Variants in GLI3 observed in about 807,000 individuals in gnomAD.
GLI3 encodes transcription activator GLI3.
In GLI3, 20 loss-of-function variants were observed where a neutral mutation model predicts 100.8. The ratio of observed to expected loss-of-function variants is 0.20; its 90% CI spans 0.14 to 0.29. GLI3 has a LOEUF of 0.29. Ranked by LOEUF, GLI3 falls within the 10% of genes least tolerant of loss-of-function variation. GLI3 has a pLI of 1.00. For missense variants in GLI3, 2,040 were observed against 2,128.5 expected, an observed-to-expected ratio of 0.96 and a Z score of 0.82; for synonymous variants, 938 against 860.5, an observed-to-expected ratio of 1.09 and a Z score of -1.58.
chr7:42,232,181 G>A (rs368521986), intron 1 of GLI3, among the ~76,000 whole-genome samples: 1 of 152,060 alleles, frequency 6.6e-6, no homozygotes, highest in African/African-American at 2.4e-5. Flanking sequence ...CAGGCCAGCA[G>A]TCAATCCAAT....
chr7:41,983,240 A>C (rs186840095), intron 10 of GLI3, among the ~76,000 whole-genome samples: 63 of 152,346 alleles, frequency 4.1e-4, no homozygotes, highest in Non-Finnish European at 2.9e-4. Context: ...GCAAAATTAG[A>C]AGGAGGTACG....
At chr7:42,212,137 G>A (rs544945483) in intron 2 of GLI3, among the ~76,000 whole-genome samples, 31 of 151,946 alleles carry the variant, frequency 2.0e-4, no homozygotes, top group Admixed American at 5.2e-4. Flanking sequence ...TTCCAGTTGC[G>A]TCTTTCCCAA....
At chr7:42,115,415 C>T (rs1173204146) in intron 3 of GLI3, among the ~76,000 whole-genome samples, 2 of 152,182 alleles carry the variant, frequency 1.3e-5, no homozygotes, top group Admixed American at 6.5e-5. Flanking sequence ...GCTGAGATTA[C>T]AGGTGTACCC....
chr7:42,144,912 G>T (rs927622215), intron 3 of GLI3, among the ~76,000 whole-genome samples: 4 of 152,136 alleles, frequency 2.6e-5, no homozygotes. Flanking sequence ...CAAGGGCAAG[G>T]GGACTGGCCT....
intron 6 of GLI3, among the ~76,000 whole-genome samples, chr7:42,044,644 G>T (rs1784209303): frequency 6.6e-6 from 1 of 152,030 alleles, no homozygotes; most frequent in African/African-American, 2.4e-5. Context: ...TAACTATTCT[G>T]ATCCTTTCAT....
chr7:42,087,282 C>T (rs973905445), intron 3 of GLI3, among the ~76,000 whole-genome samples: 1 of 152,188 alleles, frequency 6.6e-6, no homozygotes, highest in Admixed American at 6.5e-5. Context: ...CTTTGGAATC[C>T]TCCCTGTGCA....
chr7:42,179,369 T>C (rs1787546158), intron 2 of GLI3, among the ~76,000 whole-genome samples: 1 of 150,876 alleles, frequency 6.6e-6, no homozygotes, highest in South Asian at 2.1e-4. Context: ...AGGGAAGGCG[T>C]GGGTGGGCAG....
chr7:41,965,668 T>C lies in GLI3; in HGVS notation c.3405A>G (p.Pro1135=), dbSNP rs1562658413. Residue 1135 remains proline (P), a synonymous_variant, in exon 15 of 15, where the codon CCA becomes CCG. Coordinates refer to ENST00000395925, the MANE Select transcript of GLI3 (RefSeq NM_000168.6). ...GGAACTGCTGGCCAGCGTGGCTGTC[T>C]GGCAGCCCGGGCGCGTCAAAGTCAC... The part of the protein sequence containing the change: ...GPGDFDAPGL[P]DSHAGQQFHA... 6.2e-7 allele frequency: 1 copy of C among 1,612,826 alleles called. No homozygotes were observed.
At chr7:42,094,032 A>C (rs1562725916) in intron 3 of GLI3, among the ~76,000 whole-genome samples, 1 of 152,080 alleles carries the variant, frequency 6.6e-6, no homozygotes, top group Non-Finnish European at 1.5e-5. Context: ...AAAGTCAAGC[A>C]GGAGATGAGG....
chr7:42,244,702 T>TAA (rs796300282), intron 1 of GLI3, among the ~76,000 whole-genome samples: 1 of 142,428 alleles, frequency 7.0e-6, no homozygotes, highest in African/African-American at 2.6e-5. Flanking sequence ...AAAACACCTT[T>TAA]AAAAAAAAAA....
At chr7:42,139,572 A>G (rs1363303173) in intron 3 of GLI3, among the ~76,000 whole-genome samples, 3 of 152,174 alleles carry the variant, frequency 2.0e-5, no homozygotes, top group Non-Finnish European at 2.9e-5. Context: ...CCAGCTACTC[A>G]GGAGGCTGAG....
chr7:42,098,851 G>A lies in GLI3; in HGVS notation c.368-21994C>T, dbSNP rs373281941. On this transcript the variant is annotated intron_variant, in intron 3 of 14. Coordinates refer to ENST00000395925, the MANE Select transcript of GLI3 (RefSeq NM_000168.6). ...TGCTTGGGTACAGAGAGGATAGGTC[G>A]CAAATATCACAACCCAATTCCTATT... is the stretch of plus-strand genomic sequence containing the variant. Among the ~76,000 whole-genome samples, 79 of 152,216 alleles carry A rather than the reference G, an allele frequency of 5.2e-4. 1 individual carries two copies. In the South Asian group the frequency reaches 0.015, roughly 29 times the overall value.
At position 41,964,045 on chromosome 7, in the gene GLI3, AAAG is replaced by A. The variant is rs1265397897; in HGVS notation, c.*282_*284del. The stretch of plus-strand genomic sequence containing the variant: ...TCACAAATTTACATCGGTTTACTAA[AAAG>A]GGGGCGGGGCTTACAGTTTTTTTTT... On this transcript the variant is annotated 3_prime_UTR_variant, in exon 15 of 15. Coordinates refer to ENST00000395925, the MANE Select transcript of GLI3 (RefSeq NM_000168.6). 6.8e-6 allele frequency: 2 copies of A among 294,966 alleles called. No individual in the cohort carries two copies. The highest frequency in any genetic ancestry group is 6.3e-6 in the Non-Finnish European group (1 of 159,060). 18.3% of individuals were successfully genotyped at this position (294,966 alleles called of 1,614,324 possible). A position where few individuals can be genotyped will look rare whatever the true frequency, so the allele number is the denominator to read the frequency against.
chr7:42,138,160 T>C (rs1025896541), intron 3 of GLI3, among the ~76,000 whole-genome samples: 8 of 152,172 alleles, frequency 5.3e-5, no homozygotes, highest in Admixed American at 4.6e-4. Flanking sequence ...CTCAAAACAC[T>C]GCACAAAGTT....
intron 3 of GLI3, among the ~76,000 whole-genome samples, chr7:42,117,141 A>G (rs1486739613): frequency 6.6e-6 from 1 of 152,228 alleles, no homozygotes; most frequent in East Asian, 1.9e-4. Flanking sequence ...GCTTTCAAAA[A>G]TTACTATGTC....
intron 2 of GLI3, among the ~76,000 whole-genome samples, chr7:42,160,495 T>G (rs1465856695): frequency 3.3e-5 from 5 of 152,248 alleles, no homozygotes; most frequent in Non-Finnish European, 5.9e-5. Context: ...AATAATTTTG[T>G]GTATGAAACA....
At chr7:42,097,469 G>A (rs928247872) in intron 3 of GLI3, among the ~76,000 whole-genome samples, 1 of 152,170 alleles carries the variant, frequency 6.6e-6, no homozygotes, top group African/African-American at 2.4e-5. Flanking sequence ...AGATGCTGGA[G>A]GGAGACGCAG....
rs1050408474 is a variant in GLI3 at position 42,076,966 on chromosome 7, T to C, written c.368-109A>G. On this transcript the variant is annotated intron_variant, in intron 3 of 14. Coordinates refer to ENST00000395925, the MANE Select transcript of GLI3 (RefSeq NM_000168.6). ...TTGTATCTTCACTACCTACACTTAA[T>C]CTAAGAATTTGTAAAAGAACTCTTT... 24 of 744,370 alleles carry C rather than the reference T, an allele frequency of 3.2e-5. No homozygotes were observed. The Middle Eastern group carries it at 6.8e-4, about 21-fold the overall frequency. The allele number at this position is 744,370 out of a possible 1,614,324, so 46.1% of individuals were successfully genotyped here. A position where few individuals can be genotyped will look rare whatever the true frequency, so the allele number is the denominator to read the frequency against.
At chr7:42,040,499 G>A (rs1199754690) in intron 6 of GLI3, among the ~76,000 whole-genome samples, 3 of 152,260 alleles carry the variant, frequency 2.0e-5, no homozygotes, top group African/African-American at 7.2e-5. Flanking sequence ...AAAAGGGAGA[G>A]ATTTTTATGT....
Sources: gnomAD v4.1 joint callset for allele counts (sites outside exome capture counted in the v4.1 genomes callset) on GRCh38, gnomAD v4.1.1 for gene constraint, MANE v1.5 for transcripts, NCBI Gene and HGNC (gene_info 2026-07-23, HGNC 2026-07-21) for gene names.